MYO5A: variants seen among roughly 807,000 people sequenced by gnomAD.
The protein encoded by MYO5A is myosin VA, also known as unconventional myosin-Va.
In MYO5A, 98 loss-of-function variants were observed where a neutral mutation model predicts 249.7. That is an observed-to-expected ratio of 0.39 (90% CI 0.33 to 0.46). MYO5A has a LOEUF of 0.46. Ranked by LOEUF, MYO5A falls within the 20% of genes least tolerant of loss-of-function variation. MYO5A has a pLI of 0.98. For missense variants in MYO5A, 1,696 were observed against 2,308.8 expected, an observed-to-expected ratio of 0.73 and a Z score of 5.44; for synonymous variants, 778 against 810.6, an observed-to-expected ratio of 0.96 and a Z score of 0.68.
intron 36 of MYO5A, among the ~76,000 whole-genome samples, chr15:52,324,811 C>A (rs1596289139): frequency 6.6e-6 from 1 of 151,832 alleles, no homozygotes; most frequent in African/African-American, 2.4e-5. Context: ...GTAGAATATT[C>A]CCCTAAAAAG....
intron 14 of MYO5A, among the ~76,000 whole-genome samples, chr15:52,384,834 A>C (rs1255359594): frequency 6.6e-6 from 1 of 152,236 alleles, no homozygotes; most frequent in Non-Finnish European, 1.5e-5. Flanking sequence ...AAATCTCAGC[A>C]GGAAAGGGTC....
intron 33 of MYO5A, 58 bp from the exon 34 acceptor site, chr15:52,336,614 T>C (rs2039130849): frequency 8.0e-7 from 1 of 1,249,136 alleles, no homozygotes; most frequent in Non-Finnish European, 1.1e-6. Flanking sequence ...CTAAAATGCA[T>C]CAAAGGAAAA....
At chr15:52,515,744 T>A (rs1158049176) in intron 1 of MYO5A, among the ~76,000 whole-genome samples, 1 of 152,052 alleles carries the variant, frequency 6.6e-6, no homozygotes, top group African/African-American at 2.4e-5. Flanking sequence ...TCTAGGTTTG[T>A]AGGAAGAGCA....
At chr15:52,346,776 AT>A (rs1433183063) in intron 29 of MYO5A, among the ~76,000 whole-genome samples, 24 of 127,542 alleles carry the variant, frequency 1.9e-4, no homozygotes, top group South Asian at 4.7e-4. Flanking sequence ...GTGAAAAAAA[AT>A]ATATATATAT....
At chr15:52,372,953 T>C (rs941392848) in intron 20 of MYO5A, among the ~76,000 whole-genome samples, 12 of 145,728 alleles carry the variant, frequency 8.2e-5, no homozygotes, top group African/African-American at 3.3e-4. Context: ...TACTGATTTA[T>C]TGATTTTTTT....
intron 1 of MYO5A, among the ~76,000 whole-genome samples, chr15:52,482,135 C>G (rs1015231168): frequency 3.3e-5 from 5 of 152,174 alleles, no homozygotes; most frequent in African/African-American, 1.2e-4. Context: ...AGGCAAAGAT[C>G]ATACGGAGAA....
chr15:52,460,701 G>A (rs939396634), intron 1 of MYO5A, among the ~76,000 whole-genome samples: 1 of 151,958 alleles, frequency 6.6e-6, no homozygotes, highest in Non-Finnish European at 1.5e-5. Context: ...TTTTTGTAGC[G>A]TTATAGCTTA....
At chr15:52,376,864 A>G (rs1444283868) in intron 18 of MYO5A, among the ~76,000 whole-genome samples, 1 of 152,246 alleles carries the variant, frequency 6.6e-6, no homozygotes, top group Non-Finnish European at 1.5e-5. Context: ...TGTTTTAAAC[A>G]TCTCAAGGAA....
In MYO5A at chr15:52,307,657, T is replaced by C. The variant is rs965501437; in HGVS notation, c.*6039A>G. 6.6e-6 allele frequency: 1 copy of C among 152,142 alleles called. No homozygotes were observed. The highest frequency in any genetic ancestry group is 1.5e-5 in the Non-Finnish European group (1 of 67,980). The allele number at this position is 152,142 out of a possible 1,614,324, so 9.4% of individuals were successfully genotyped here. A position where few individuals can be genotyped will look rare whatever the true frequency, so the allele number is the denominator to read the frequency against. ...ATTGTATCAAAATTTTCTATGCAGA[T>C]CAAAGTAGAATTCCTTTTCCAGACC... On this transcript the variant is annotated 3_prime_UTR_variant, in exon 42 of 42. Coordinates refer to ENST00000399233, the MANE Select transcript of MYO5A (RefSeq NM_001382347.1).
intron 1 of MYO5A, among the ~76,000 whole-genome samples, chr15:52,465,993 C>T (rs1042727985): frequency 1.4e-4 from 21 of 152,198 alleles, no homozygotes; most frequent in African/African-American, 5.1e-4. Flanking sequence ...GTACATATCT[C>T]TCTGTGGTCC....
In MYO5A at chr15:52,397,123, C is replaced by A. The variant is rs903509098; in HGVS notation, c.1319+78G>T. The A allele has an allele frequency of 6.5e-6, 10 of 1,536,938 alleles. No individual in the cohort carries two copies. The African/African-American group carries it at 1.1e-4, about 17-fold the overall frequency. On this transcript the variant is annotated intron_variant, in intron 10 of 41. Coordinates refer to ENST00000399233, the MANE Select transcript of MYO5A (RefSeq NM_001382347.1). ...TCTCTTTACCAGTAGGAAACAGAATCAAATGCCCACTTAGAGTTACTAGAT... is the reference window on the plus strand; with the variant it reads ...TCTCTTTACCAGTAGGAAACAGAATAAAATGCCCACTTAGAGTTACTAGAT...
intron 1 of MYO5A, among the ~76,000 whole-genome samples, chr15:52,479,166 T>C (rs559572291): frequency 8.5e-5 from 13 of 152,106 alleles, no homozygotes; most frequent in Middle Eastern, 6.8e-3. Flanking sequence ...TTAGTAGAGA[T>C]AGAGTTTTAC....
At chr15:52,369,869 CTTTTTTTTT>C (rs5812601) in intron 22 of MYO5A, among the ~76,000 whole-genome samples, 1 of 93,828 alleles carries the variant, frequency 1.1e-5, no homozygotes, top group Non-Finnish European at 2.2e-5. Context: ...CCCAGACTGA[CTTTTTTTTT>C]TTTTTTTTTT....
intron 2 of MYO5A, 49 bp from the exon 3 acceptor site, chr15:52,428,618 T>G (rs1595664551): frequency 1.3e-6 from 2 of 1,592,456 alleles, no homozygotes; most frequent in Non-Finnish European, 1.7e-6. Context: ...GCAAGGACTG[T>G]GAAAGAGGCC....
chr15:52,344,673 C>T (rs1290720921), intron 30 of MYO5A, among the ~76,000 whole-genome samples: 1 of 152,220 alleles, frequency 6.6e-6, no homozygotes, highest in African/African-American at 2.4e-5. Context: ...ACAGCCAGGG[C>T]TAGCTTTCCA....
intron 23 of MYO5A, among the ~76,000 whole-genome samples, chr15:52,366,168 T>C (rs1296618916): frequency 6.6e-6 from 1 of 152,176 alleles, no homozygotes; most frequent in Non-Finnish European, 1.5e-5. Flanking sequence ...AATACCTCCA[T>C]GTTGAGGTCC....
At chr15:52,459,716 G>A (rs2076199706) in intron 1 of MYO5A, among the ~76,000 whole-genome samples, 1 of 152,122 alleles carries the variant, frequency 6.6e-6, no homozygotes, top group African/African-American at 2.4e-5. Flanking sequence ...GCCGGGCAGA[G>A]GGGCTCCTCA....
intron 4 of MYO5A, among the ~76,000 whole-genome samples, chr15:52,421,700 T>C (rs1312944503): frequency 1.3e-5 from 2 of 152,198 alleles, no homozygotes; most frequent in Non-Finnish European, 1.5e-5. Flanking sequence ...AAAATGTTTA[T>C]GCATTAGTTC....
At chr15:52,376,099 G>C (rs911962884) in intron 19 of MYO5A, among the ~76,000 whole-genome samples, 1 of 152,140 alleles carries the variant, frequency 6.6e-6, no homozygotes, top group Non-Finnish European at 1.5e-5. Context: ...CAATATAAAA[G>C]TATCAAAAAT....
Sources: gnomAD v4.1 joint callset for allele counts (sites outside exome capture counted in the v4.1 genomes callset) on GRCh38, gnomAD v4.1.1 for gene constraint, MANE v1.5 for transcripts, NCBI Gene and HGNC (gene_info 2026-07-23, HGNC 2026-07-21) for gene names.